Variants in SNX29 observed in about 807,000 individuals in gnomAD.
SNX29 encodes sorting nexin-29.
In SNX29, 78 loss-of-function variants were observed where a neutral mutation model predicts 102.1. The observed-to-expected ratio is 0.76, with a 90% CI of 0.64 to 0.92. The LOEUF is 0.92. SNX29 is among the 40% of genes least tolerant of loss of function. The pLI, the probability that SNX29 is intolerant of heterozygous loss-of-function variation, is 0.00. For missense variants in SNX29, 1,280 were observed against 1,061.7 expected, an observed-to-expected ratio of 1.21 and a Z score of -2.86; for synonymous variants, 580 against 414.5, an observed-to-expected ratio of 1.40 and a Z score of -4.85.
intron 20 of SNX29, among the ~76,000 whole-genome samples, chr16:12,562,107 G>T (rs926815728): frequency 5.3e-5 from 8 of 152,100 alleles, no homozygotes; most frequent in Non-Finnish European, 8.8e-5. Flanking sequence ...TTCTAAGGCC[G>T]TTCACTCTCC....
At chr16:12,177,110 G>A (rs542903294) in intron 13 of SNX29, among the ~76,000 whole-genome samples, 43 of 152,066 alleles carry the variant, frequency 2.8e-4, no homozygotes, top group Non-Finnish European at 5.6e-4. Flanking sequence ...ACTACACCCG[G>A]CTAATCATTT....
At chr16:12,009,459 A>ATGTG (rs139936824) in intron 3 of SNX29, among the ~76,000 whole-genome samples, 29,328 of 148,972 alleles carry the variant, frequency 0.2, 2,979 homozygotes, top group Middle Eastern at 0.25. Context: ...GTGTGTATAT[A>ATGTG]TGTGTGTGTG....
At chr16:12,164,498 A>G (rs1451949835) in intron 13 of SNX29, among the ~76,000 whole-genome samples, 1 of 152,068 alleles carries the variant, frequency 6.6e-6, no homozygotes, top group African/African-American at 2.4e-5. Flanking sequence ...CCTTGAGAAG[A>G]TTGAGTACTG....
chr16:12,420,094 A>T (rs75289094), intron 18 of SNX29, among the ~76,000 whole-genome samples: 1,859 of 152,284 alleles, frequency 0.012, 46 homozygotes, highest in African/African-American at 0.042. Context: ...TCCCCTGTGC[A>T]TTATGGGATG....
intron 15 of SNX29, among the ~76,000 whole-genome samples, chr16:12,347,802 G>A (rs1281259776): frequency 6.6e-6 from 1 of 151,936 alleles, no homozygotes; most frequent in Non-Finnish European, 1.5e-5. Flanking sequence ...TCAGAGCTGG[G>A]TGTGGTGGGT....
intron 17 of SNX29, 115 bp downstream of exon 17, chr16:12,398,616 G>T: frequency 8.5e-7 from 1 of 1,176,982 alleles, no homozygotes; most frequent in Admixed American, 1.8e-5. Flanking sequence ...CCCACACAAG[G>T]TTGATGTGGT....
At chr16:12,488,240 A>C (rs2088350400) in intron 19 of SNX29, among the ~76,000 whole-genome samples, 2 of 152,136 alleles carry the variant, frequency 1.3e-5, no homozygotes, top group South Asian at 4.1e-4. Context: ...TAGGTATAGC[A>C]CACAGAGAAG....
intron 15 of SNX29, among the ~76,000 whole-genome samples, chr16:12,348,057 A>C (rs1381617370): frequency 6.6e-6 from 1 of 152,090 alleles, no homozygotes; most frequent in Admixed American, 6.5e-5. Context: ...CAGCCTGGGC[A>C]ACAGAATAAG....
chr16:12,557,881 C>G (rs2078469269), intron 20 of SNX29, among the ~76,000 whole-genome samples: 1 of 152,150 alleles, frequency 6.6e-6, no homozygotes, highest in Admixed American at 6.5e-5. Flanking sequence ...TGGAGGAGGG[C>G]CTCTGCAGGC....
intron 11 of SNX29, among the ~76,000 whole-genome samples, chr16:12,125,996 T>G (rs2054199976): frequency 6.6e-6 from 1 of 152,154 alleles, no homozygotes; most frequent in Non-Finnish European, 1.5e-5. Context: ...ATATTGCCGG[T>G]GGTGATCTTG....
intron 15 of SNX29, among the ~76,000 whole-genome samples, chr16:12,325,982 A>G (rs2081102721): frequency 6.6e-6 from 1 of 151,968 alleles, no homozygotes; most frequent in African/African-American, 2.4e-5. Context: ...GTGAGCTGTA[A>G]TCACACACTG....
chr16:11,982,997 C>T (rs1318018629), intron 1 of SNX29, among the ~76,000 whole-genome samples: 1 of 152,090 alleles, frequency 6.6e-6, no homozygotes, highest in Admixed American at 6.6e-5. Context: ...GTGCCACTAT[C>T]TTGGCTCACT....
At chr16:12,453,854 A>G (rs2086413757) in intron 18 of SNX29, among the ~76,000 whole-genome samples, 1 of 151,880 alleles carries the variant, frequency 6.6e-6, no homozygotes. Context: ...TATCTTTGGA[A>G]TTTTTTTTGT....
intron 18 of SNX29, among the ~76,000 whole-genome samples, chr16:12,409,306 A>T (rs2084297626): frequency 1.3e-5 from 2 of 152,094 alleles, no homozygotes; most frequent in African/African-American, 4.8e-5. Flanking sequence ...TTTTTCTGGC[A>T]CTTCCATATG....
chr16:12,561,536 C>G (rs1411053833), intron 20 of SNX29, among the ~76,000 whole-genome samples: 2 of 152,090 alleles, frequency 1.3e-5, no homozygotes, highest in African/African-American at 2.4e-5. Context: ...AGTCTCTCCT[C>G]GCAGCCATTT....
chr16:11,990,807 G>A (rs537132781), intron 1 of SNX29, among the ~76,000 whole-genome samples: 75 of 152,314 alleles, frequency 4.9e-4, no homozygotes, highest in African/African-American at 1.8e-3. Context: ...GAACTCTCAC[G>A]TTTAACCATC....
intron 3 of SNX29, among the ~76,000 whole-genome samples, chr16:12,024,369 C>T (rs1280214196): frequency 6.6e-6 from 1 of 152,024 alleles, no homozygotes; most frequent in East Asian, 1.9e-4. Flanking sequence ...TGGTCTTGAA[C>T]TCCTGACCCC....
chr16:12,274,585 G>A (rs1419908869), intron 14 of SNX29, among the ~76,000 whole-genome samples: 1 of 150,514 alleles, frequency 6.6e-6, no homozygotes, highest in African/African-American at 2.5e-5. Context: ...GGCCCAGGAC[G>A]GAGTGCAGCT....
chr16:12,533,758 T>A (rs1012811023), intron 20 of SNX29, among the ~76,000 whole-genome samples: 20 of 152,050 alleles, frequency 1.3e-4, no homozygotes, highest in Middle Eastern at 3.2e-3. Context: ...ATTAAGCCAT[T>A]GAGTTGTCAG....
Sources: gnomAD v4.1 joint callset for allele counts (sites outside exome capture counted in the v4.1 genomes callset) on GRCh38, gnomAD v4.1.1 for gene constraint, MANE v1.5 for transcripts, NCBI Gene and HGNC (gene_info 2026-07-23, HGNC 2026-07-21) for gene names.